Variants in COL4A4 observed in about 807,000 individuals in gnomAD.
COL4A4 encodes collagen alpha-4(IV) chain.
A neutral mutation model predicts 192.9 loss-of-function variants in COL4A4; 105 were observed. The observed-to-expected ratio is 0.54, with a 90% CI of 0.46 to 0.64. The LOEUF is 0.64. Ranked by LOEUF, COL4A4 falls within the 30% of genes least tolerant of loss-of-function variation. The pLI is 0.00. For missense variants in COL4A4, 1,967 were observed against 2,169.3 expected (o/e 0.91, Z 1.85); for synonymous variants, 762 against 769.9 (o/e 0.99, Z 0.17).
At chr2:227,078,920 A>T (rs1399697966) in intron 24 of COL4A4, among the ~76,000 whole-genome samples, 2 of 152,204 alleles carry the variant, frequency 1.3e-5, no homozygotes, top group Non-Finnish European at 2.9e-5. Flanking sequence ...TTATAGTAAA[A>T]TCAATCCCCA....
intron 40 of COL4A4, among the ~76,000 whole-genome samples, chr2:227,031,650 G>C (rs1007034549): frequency 6.6e-6 from 1 of 152,164 alleles, no homozygotes; most frequent in Non-Finnish European, 1.5e-5. Flanking sequence ...AAGACATTTG[G>C]TCAGCATCAA....
chr2:226,982,085 T>C, the COL4A4 span, among the ~76,000 whole-genome samples: 2 of 152,234 alleles, frequency 1.3e-5, no homozygotes, highest in African/African-American at 4.8e-5. Flanking sequence ...CCCCCCGCCC[T>C]CTTTTCTTTT....
intron 12 of COL4A4, among the ~76,000 whole-genome samples, chr2:227,106,521 G>T (rs1340178984): frequency 1.3e-5 from 2 of 151,992 alleles, no homozygotes; most frequent in Non-Finnish European, 2.9e-5. Flanking sequence ...GGGCAAACAT[G>T]CTCTAGAACA....
chr2:227,059,675 C>A (rs755327291), intron 27 of COL4A4, 52 bp from the exon 28 acceptor site: 1 of 1,284,016 alleles, frequency 7.8e-7, no homozygotes, highest in South Asian at 1.2e-5. Flanking sequence ...AAGTATAGAA[C>A]CAATACATAT....
intron 46 of COL4A4, among the ~76,000 whole-genome samples, chr2:227,008,897 T>C (rs989082274): frequency 6.6e-6 from 1 of 152,202 alleles, no homozygotes; most frequent in Non-Finnish European, 1.5e-5. Context: ...GACCATTGGA[T>C]GTGGCCTTTG....
At chr2:227,079,792 T>C (rs1054937417) in intron 24 of COL4A4, among the ~76,000 whole-genome samples, 1 of 152,222 alleles carries the variant, frequency 6.6e-6, no homozygotes, top group African/African-American at 2.4e-5. Flanking sequence ...GAGGAAACCA[T>C]CTAGTCTGGT....
chr2:227,041,065 C>T (rs1389880945), intron 37 of COL4A4, among the ~76,000 whole-genome samples: 3 of 151,906 alleles, frequency 2.0e-5, no homozygotes, highest in Non-Finnish European at 4.4e-5. Flanking sequence ...TATTCTTGAT[C>T]GAAAAAAGAT....
intron 1 of COL4A4, among the ~76,000 whole-genome samples, chr2:227,162,803 C>T (rs527601969): frequency 2.4e-4 from 36 of 152,174 alleles, no homozygotes; most frequent in Non-Finnish European, 4.3e-4. Context: ...TGGGTAGCAA[C>T]ATTGTTTTAT....
Position 227,147,466 on chromosome 2 carries a change from T to C in COL4A4, c.18A>G (p.Ile6Met). Residue 6 changes from isoleucine to methionine, a missense_variant, in exon 2 of 48, where the codon ATA (isoleucine) becomes ATG (methionine). By Grantham distance (10) the Ile-to-Met change is conservative. Transcript: ENST00000396625. Reference sequence around the variant, plus strand: ...ATCTGAAGGAGCACCTCATTAGTACTATGTGCAGAGACCACATCGCAGGCA... The same window carrying C: ...ATCTGAAGGAGCACCTCATTAGTACCATGTGCAGAGACCACATCGCAGGCA... MWSLH[I>M]VLMRCSFRLT... 1 of 1,613,796 alleles carries C rather than the reference T, an allele frequency of 6.2e-7. No homozygotes were observed. Among genetic ancestry groups the C allele is most frequent in the African/African-American group, 1.3e-5 (1 of 75,010 alleles).
intron 29 of COL4A4, among the ~76,000 whole-genome samples, chr2:227,056,688 A>G (rs943399541): frequency 6.6e-6 from 1 of 152,254 alleles, no homozygotes; most frequent in African/African-American, 2.4e-5. Flanking sequence ...TCCAAAATTC[A>G]TATGTTGAAA....
intron 8 of COL4A4, among the ~76,000 whole-genome samples, chr2:227,113,528 T>C (rs1258383231): frequency 6.6e-6 from 1 of 152,202 alleles, no homozygotes; most frequent in East Asian, 1.9e-4. Context: ...AGGGTAAATA[T>C]TATTTTAATC....
intron 46 of COL4A4, 92 bp downstream of exon 46, chr2:227,010,221 G>A: frequency 1.6e-6 from 2 of 1,262,960 alleles, no homozygotes; most frequent in East Asian, 4.6e-5. Context: ...CCCATATAAG[G>A]TTAGTGATCA....
At chr2:227,052,116 G>A (rs975740405) in intron 32 of COL4A4, among the ~76,000 whole-genome samples, 189 bp downstream of exon 32, 4 of 151,930 alleles carry the variant, frequency 2.6e-5, no homozygotes, top group African/African-American at 7.3e-5. Flanking sequence ...GCTTGAACCC[G>A]GGAGGCAGAG....
chr2:227,041,846 A>C lies in COL4A4; in HGVS notation c.3505+302T>G, dbSNP rs201305239. Among the ~76,000 whole-genome samples the C allele has an allele frequency of 5.1e-5, 2 of 39,302 alleles. 1 individual carries two copies. The allele number at this position is 39,302 out of a possible 152,430, so 25.8% of individuals were successfully genotyped here. On this transcript the variant is annotated intron_variant, in intron 37 of 47. Transcript: ENST00000396625. ...AAAGAAAGAAAGAAAGAAAGAAAGA[A>C]AGAGAAAGAAAGAAAGAAAGAAAGA...
intron 4 of COL4A4, among the ~76,000 whole-genome samples, chr2:227,139,233 GA>G (rs2063031302): frequency 6.6e-6 from 1 of 152,170 alleles, no homozygotes; most frequent in Admixed American, 6.5e-5. Context: ...TGGACTGTGA[GA>G]AATAAATTTC....
At chr2:226,983,633 A>G in the COL4A4 span, among the ~76,000 whole-genome samples, 1 of 150,264 alleles carries the variant, frequency 6.7e-6, no homozygotes, top group Admixed American at 6.6e-5. Flanking sequence ...TTTTTTCCTT[A>G]TTCCTTGAAT....
chr2:227,015,407 T>C (rs1468227163), intron 44 of COL4A4, among the ~76,000 whole-genome samples: 1 of 152,040 alleles, frequency 6.6e-6, no homozygotes, highest in Non-Finnish European at 1.5e-5. Flanking sequence ...TCTCCTTACC[T>C]AACAAATCAG....
chr2:227,048,542 G>T (rs1186905259), intron 34 of COL4A4, among the ~76,000 whole-genome samples: 2 of 152,062 alleles, frequency 1.3e-5, no homozygotes, highest in Non-Finnish European at 2.9e-5. Flanking sequence ...GAAGCCAGTT[G>T]GTAGACAGGT....
rs886055706 is a variant in COL4A4, at chr2:227,004,026, T to C, written c.*3299A>G. ...GACCTTATATGCAGAGCTGAACACC[T>C]AATGCCTAATGATGTTTATGGAATT... On this transcript the variant is annotated 3_prime_UTR_variant, in exon 48 of 48. Transcript: ENST00000396625. 3 of 152,178 alleles carry C rather than the reference T, an allele frequency of 2.0e-5. No homozygotes were observed. Among genetic ancestry groups the C allele is most frequent in the Non-Finnish European group, 4.4e-5 (3 of 68,022 alleles). The allele number at this position is 152,178 out of a possible 1,614,324, so 9.4% of individuals were successfully genotyped here.
Sources: allele counts gnomAD v4.1 joint callset (sites outside exome capture counted in the v4.1 genomes callset), GRCh38; gene constraint gnomAD v4.1.1; transcripts MANE v1.5; gene names NCBI Gene and HGNC (gene_info 2026-07-23, HGNC 2026-07-21).